FARP1: variants seen among roughly 807,000 people sequenced by gnomAD.
FARP1 encodes FERM, ARH/RhoGEF and pleckstrin domain protein 1, also known as FERM, ARHGEF and pleckstrin domain-containing protein 1.
FARP1 carries 52 observed loss-of-function variants against 128.8 expected under a neutral mutation model. That is an observed-to-expected ratio of 0.40 (90% CI 0.32 to 0.51). The LOEUF (loss-of-function observed/expected upper bound fraction) is 0.51, where lower values mean the gene tolerates loss of function less well. Among genes scored for constraint, FARP1 ranks in the 20% least tolerant of loss-of-function variants. FARP1 has a pLI of 0.45. For synonymous variants in FARP1, 580 were observed against 551.8 expected (o/e 1.05, Z -0.72); for missense variants, 1,333 against 1,367.9 (o/e 0.97, Z 0.40).
At chr13:98,323,772 A>G (rs1309410235) in intron 2 of FARP1, among the ~76,000 whole-genome samples, 3 of 152,184 alleles carry the variant, frequency 2.0e-5, no homozygotes, top group Non-Finnish European at 4.4e-5. Context: ...AAAATCTCCA[A>G]TTCTTGCATA....
At chr13:98,210,078 T>C (rs1250259147) in intron 1 of FARP1, among the ~76,000 whole-genome samples, 1 of 151,954 alleles carries the variant, frequency 6.6e-6, no homozygotes, top group Non-Finnish European at 1.5e-5. Context: ...TATAGAATGG[T>C]AGAATGGCTT....
intron 1 of FARP1, among the ~76,000 whole-genome samples, chr13:98,179,341 C>G (rs9556893): frequency 0.58 from 88,822 of 152,056 alleles, 26,231 homozygotes; most frequent in East Asian, 0.67. Context: ...TCTCTGGTAA[C>G]TGGGTCTCTC....
chr13:98,431,682 G>A lies in FARP1; in HGVS notation c.2143+402G>A, dbSNP rs9554469. On this transcript the variant is annotated intron_variant, in intron 18 of 26. Transcript: ENST00000319562. ...TCACCGTGTTGGTCAGGCTGGTCTC[G>A]AACTCCTGACCTTGTGATCCGCCCG... The A allele has an allele frequency of 4.9e-3, 761 of 156,566 alleles. 6 individuals are homozygous for A. Among genetic ancestry groups the A allele is most frequent in the East Asian group, 0.025 (131 of 5,290 alleles). 9.7% of individuals were successfully genotyped at this position (156,566 alleles called of 1,614,324 possible). A position where few individuals can be genotyped will look rare whatever the true frequency, so the allele number is the denominator to read the frequency against.
chr13:98,177,083 C>T (rs991197452), intron 1 of FARP1: 3 of 1,598,016 alleles, frequency 1.9e-6, no homozygotes, highest in African/African-American at 1.3e-5. Context: ...GTGTCGCCCT[C>T]GTCCCCGCTG....
At chr13:98,389,698 G>T in intron 9 of FARP1, 1 of 376,194 alleles carries the variant, frequency 2.7e-6, no homozygotes, top group Non-Finnish European at 4.7e-6. Flanking sequence ...AAAAAATGGT[G>T]TCACTTCCAT....
intron 2 of FARP1, among the ~76,000 whole-genome samples, chr13:98,336,173 A>G (rs371381445): frequency 1.2e-4 from 18 of 152,238 alleles, no homozygotes; most frequent in African/African-American, 4.3e-4. Context: ...AAGAAAACAA[A>G]ACATACTCCT....
rs1430089008 is a variant in FARP1 at position 98,143,302 on chromosome 13, G to C, written c.-214G>C. 1 of 138,490 alleles carries C rather than the reference G, an allele frequency of 7.2e-6. No individual in the cohort carries two copies. The highest frequency in any genetic ancestry group is 2.6e-5 in the African/African-American group (1 of 38,824). The allele number at this position is 138,490 out of a possible 1,614,324, so 8.6% of individuals were successfully genotyped here. On this transcript the variant is annotated 5_prime_UTR_variant, in exon 1 of 27. Coordinates refer to ENST00000319562, the MANE Select transcript of FARP1 (RefSeq NM_005766.4). ...CCCCGCCTGCTCCGCCCTCCCCTCC[G>C]CCCCGCGCCACCTTTGATGGCTCGG...
chr13:98,243,255 C>A (rs1319627263), intron 2 of FARP1, among the ~76,000 whole-genome samples: 3 of 152,150 alleles, frequency 2.0e-5, no homozygotes, highest in African/African-American at 7.2e-5. Context: ...TTTGTTCATT[C>A]ATTTTAATAT....
chr13:98,396,217 G>T (rs912718499), intron 13 of FARP1: 20 of 399,042 alleles, frequency 5.0e-5, no homozygotes, highest in Non-Finnish European at 8.0e-5. Flanking sequence ...CATGGGTGCA[G>T]CCTCTAAGGT....
At chr13:98,377,999 C>CA in intron 6 of FARP1, 81 bp downstream of exon 6, 1 of 1,065,166 alleles carries the variant, frequency 9.4e-7, no homozygotes. Context: ...TCACATCCAC[C>CA]AAAAAAGAAA....
intron 2 of FARP1, among the ~76,000 whole-genome samples, chr13:98,226,643 G>T (rs1220241198): frequency 6.6e-6 from 1 of 152,106 alleles, no homozygotes; most frequent in Non-Finnish European, 1.5e-5. Flanking sequence ...TGTTCTTTTG[G>T]AGCATAATGT....
intron 24 of FARP1, 84 bp downstream of exon 24, chr13:98,440,920 G>A (rs537069260): frequency 2.7e-4 from 375 of 1,390,268 alleles, no homozygotes; most frequent in African/African-American, 2.3e-3. Context: ...AGGGGCTTGA[G>A]GGAGGCTGGG....
intron 1 of FARP1, among the ~76,000 whole-genome samples, chr13:98,184,976 C>T (rs1195872485): frequency 6.6e-6 from 1 of 152,114 alleles, no homozygotes; most frequent in African/African-American, 2.4e-5. Flanking sequence ...TAAATATTTC[C>T]ACCATGGCCA....
At chr13:98,369,798 T>G (rs1234395891) in intron 5 of FARP1, among the ~76,000 whole-genome samples, 1 of 152,238 alleles carries the variant, frequency 6.6e-6, no homozygotes, top group Admixed American at 6.5e-5. Flanking sequence ...AGCCTAATTC[T>G]TGTCATACAT....
chr13:98,401,415 A>AACACACACAGACACACACACACACACAC (rs1555291933), intron 13 of FARP1: 1 of 130,862 alleles, frequency 7.6e-6, no homozygotes, highest in Non-Finnish European at 1.6e-5. Context: ...ATAATGACAA[A>AACACACACAGACACACACACACACACAC]ACACACACAC....
chr13:98,395,464 C>A lies in FARP1; in HGVS notation c.1402C>A (p.Gln468Lys), dbSNP rs1359133796. 1.3e-6 allele frequency: 2 copies of A among 1,584,278 alleles called. No homozygotes were observed. The highest frequency in any genetic ancestry group is 1.7e-6 in the Non-Finnish European group (2 of 1,159,076). The change falls in exon 13 of 27, where the codon CAG becomes AAG. Residue 468 changes from glutamine (Q) to lysine (K), a missense_variant. Transcript: ENST00000319562. ...CCAGCAGAGTAAACCTCAGCCCCCGCAGCCAAGCACAGGTCCAGCATCCCG... is the reference window on the plus strand; with the variant it reads ...CCAGCAGAGTAAACCTCAGCCCCCGAAGCCAAGCACAGGTCCAGCATCCCG... ...RTQQSKPQPP[Q>K]PSTGSLTGSP...
intron 2 of FARP1, among the ~76,000 whole-genome samples, chr13:98,257,111 T>C (rs1883655382): frequency 6.6e-6 from 1 of 151,774 alleles, no homozygotes; most frequent in Non-Finnish European, 1.5e-5. Context: ...CTTCAGATAC[T>C]AAAATTTTCC....
At chr13:98,372,955 G>T (rs932428858) in intron 5 of FARP1, among the ~76,000 whole-genome samples, 3 of 152,194 alleles carry the variant, frequency 2.0e-5, no homozygotes, top group African/African-American at 7.2e-5. Flanking sequence ...TAAAGGTGTT[G>T]CAGAATCTCT....
chr13:98,174,346 A>C (rs943727932), intron 1 of FARP1, among the ~76,000 whole-genome samples: 1 of 152,212 alleles, frequency 6.6e-6, no homozygotes, highest in Non-Finnish European at 1.5e-5. Flanking sequence ...AGCTGAGTCC[A>C]GTGTCTAGGA....
Sources: gnomAD v4.1 joint callset for allele counts (sites outside exome capture counted in the v4.1 genomes callset) on GRCh38, gnomAD v4.1.1 for gene constraint, MANE v1.5 for transcripts, NCBI Gene and HGNC (gene_info 2026-07-23, HGNC 2026-07-21) for gene names.